Variants in CHLSN observed in about 807,000 individuals in gnomAD.
CHLSN encodes the protein cholesin.
At chr7:1,006,350 ACAGGGAAAGAGCGCACGACAGCCACAGCG>A in the CHLSN span, among the ~76,000 whole-genome samples, 6 of 122,934 alleles carry the variant, frequency 4.9e-5, no homozygotes, top group Admixed American at 2.4e-4. Context: ...CGGTCACAGC[ACAGGGAAAGAGCGCACGACAGCCACAGCG>A]CAGGGAAAGA....
the CHLSN span, among the ~76,000 whole-genome samples, chr7:1,131,335 G>A: frequency 1.3e-5 from 2 of 152,094 alleles, no homozygotes; most frequent in Non-Finnish European, 1.5e-5. Flanking sequence ...CCCTCGCTGT[G>A]AAAAAGAGTC....
chr7:1,001,647 G>A, the CHLSN span, among the ~76,000 whole-genome samples: 1 of 131,876 alleles, frequency 7.6e-6, no homozygotes, highest in Non-Finnish European at 1.6e-5. Flanking sequence ...GGAGTCCTGT[G>A]GGTGAGTGGA....
the CHLSN span, among the ~76,000 whole-genome samples, chr7:1,120,425 G>A: frequency 1.3e-5 from 2 of 152,130 alleles, no homozygotes; most frequent in Admixed American, 6.5e-5. Context: ...CCTAGCAGCT[G>A]AGATTACAGG....
At chr7:978,811 T>G in the CHLSN span, among the ~76,000 whole-genome samples, 1 of 152,266 alleles carries the variant, frequency 6.6e-6, no homozygotes, top group East Asian at 1.9e-4. Flanking sequence ...CAGCAGTCAT[T>G]ACCCGTGAAC....
chr7:1,055,221 G>A, the CHLSN span: 1 of 470,860 alleles, frequency 2.1e-6, no homozygotes, highest in South Asian at 1.5e-5. Context: ...AACAGCAGGA[G>A]GGAGGGGCGG....
chr7:1,044,162 A>C, the CHLSN span, among the ~76,000 whole-genome samples: 1 of 152,252 alleles, frequency 6.6e-6, no homozygotes, highest in Non-Finnish European at 1.5e-5. Context: ...TGTACCTGGA[A>C]GGACTAACTT....
the CHLSN span, among the ~76,000 whole-genome samples, chr7:1,009,172 A>G: frequency 1.3e-5 from 2 of 152,166 alleles, no homozygotes; most frequent in African/African-American, 4.8e-5. Context: ...CCTCCCACAG[A>G]GGTGCGGCTG....
the CHLSN span, among the ~76,000 whole-genome samples, chr7:1,069,618 C>T: frequency 8.4e-6 from 1 of 119,128 alleles, no homozygotes; most frequent in Admixed American, 8.0e-5. Flanking sequence ...CCCGAGGTGC[C>T]GGGATTGCAG....
At chr7:1,037,577 C>T in the CHLSN span, among the ~76,000 whole-genome samples, 29 of 146,796 alleles carry the variant, frequency 2.0e-4, 1 homozygote, top group African/African-American at 5.9e-4. Context: ...AGTGCAGTGG[C>T]GTGAATCTCG....
the CHLSN span, among the ~76,000 whole-genome samples, chr7:1,020,985 A>AGGCAGGTACCTCCAGGCTGGGGACCTTCG: frequency 1.5e-5 from 2 of 137,064 alleles, no homozygotes; most frequent in Admixed American, 6.8e-5. Flanking sequence ...GGGGACCTTC[A>AGGCAGGTACCTCCAGGCTGGGGACCTTCG]GGCAGGTACC....
At chr7:1,135,880 T>C in the CHLSN span, among the ~76,000 whole-genome samples, 3 of 113,532 alleles carry the variant, frequency 2.6e-5, no homozygotes, top group South Asian at 7.1e-4. Flanking sequence ...AAAATATATA[T>C]GAATATATAA....
the CHLSN span, among the ~76,000 whole-genome samples, chr7:999,313 G>T: frequency 6.6e-6 from 1 of 152,256 alleles, no homozygotes; most frequent in Non-Finnish European, 1.5e-5. Context: ...CCGCATGCTG[G>T]AATCAGCTGC....
At chr7:1,004,868 G>A in the CHLSN span, among the ~76,000 whole-genome samples, 5 of 152,300 alleles carry the variant, frequency 3.3e-5, no homozygotes, top group African/African-American at 4.8e-5. Context: ...CCAGCATAGC[G>A]GGGGCCACGG....
chr7:1,051,170 C>A, the CHLSN span, among the ~76,000 whole-genome samples: 1 of 152,242 alleles, frequency 6.6e-6, no homozygotes, highest in African/African-American at 2.4e-5. Context: ...CAGGCCCCTT[C>A]CTGTCACTCA....
the CHLSN span, among the ~76,000 whole-genome samples, chr7:1,016,450 C>T: frequency 1.4e-5 from 2 of 138,274 alleles, no homozygotes; most frequent in Non-Finnish European, 1.5e-5. Flanking sequence ...CGCCAGCACA[C>T]AGCAGCGCAC....
the CHLSN span, chr7:1,093,223 G>C: frequency 1.4e-5 from 7 of 493,452 alleles, no homozygotes; most frequent in African/African-American, 9.8e-5. Flanking sequence ...CACACGGAGA[G>C]GCCACTGTGG....
At chr7:1,108,236 G>A in the CHLSN span, among the ~76,000 whole-genome samples, 10 of 89,122 alleles carry the variant, frequency 1.1e-4, no homozygotes, top group East Asian at 3.4e-4. Context: ...CACCCCGGGG[G>A]GGAAGCAGAG....
the CHLSN span, among the ~76,000 whole-genome samples, chr7:1,032,167 G>A: frequency 4.6e-5 from 7 of 152,178 alleles, no homozygotes; most frequent in Admixed American, 3.3e-4. Context: ...GGGTAGATGG[G>A]CCCCAGATCC....
At chr7:1,059,543 G>A in the CHLSN span, among the ~76,000 whole-genome samples, 1 of 149,920 alleles carries the variant, frequency 6.7e-6, no homozygotes, top group African/African-American at 2.5e-5. Flanking sequence ...TAGTGAGGTG[G>A]GTCTTAGTGG....
Sources: allele counts gnomAD v4.1 joint callset (sites outside exome capture counted in the v4.1 genomes callset), GRCh38; gene constraint gnomAD v4.1.1; transcripts MANE v1.5; gene names NCBI Gene and HGNC (gene_info 2026-07-23, HGNC 2026-07-21).